Variants in GBE1 observed in about 807,000 individuals in gnomAD.
The protein encoded by GBE1 is 1,4-alpha-glucan branching enzyme 1, also known as 1,4-alpha-glucan-branching enzyme.
GBE1 carries 70 observed loss-of-function variants against 88.8 expected under a neutral mutation model. That is an observed-to-expected ratio of 0.79 (90% CI 0.65 to 0.96). The LOEUF is 0.96. Among genes scored for constraint, GBE1 ranks in the 40% least tolerant of loss-of-function variants. GBE1 has a pLI of 0.00. For synonymous variants in GBE1, 284 were observed against 300.1 expected (o/e 0.95, Z 0.56); for missense variants, 872 against 871.0 (o/e 1.00, Z -0.01).
chr3:81,637,475 T>C (rs147824611), intron 7 of GBE1, among the ~76,000 whole-genome samples: 243 of 152,296 alleles, frequency 1.6e-3, no homozygotes, highest in Middle Eastern at 6.8e-3. Context: ...GACAAACATA[T>C]GCTCCAAGCA....
chr3:81,702,037 A>T, intron 2 of GBE1, among the ~76,000 whole-genome samples: 1 of 151,652 alleles, frequency 6.6e-6, no homozygotes, highest in Non-Finnish European at 1.5e-5. Context: ...ATTAGGAAAA[A>T]ACGGATTTTA....
intron 1 of GBE1, among the ~76,000 whole-genome samples, chr3:81,750,649 A>ATG (rs1706509636): frequency 2.5e-5 from 2 of 80,878 alleles, no homozygotes; most frequent in South Asian, 3.1e-4. Context: ...ATATATGTAT[A>ATG]TATATATATG....
At chr3:81,514,028 A>G (rs1191868489) in intron 14 of GBE1, among the ~76,000 whole-genome samples, 1 of 151,712 alleles carries the variant, frequency 6.6e-6, no homozygotes, top group Non-Finnish European at 1.5e-5. Context: ...TTGTTACATG[A>G]GCCAATGGGA....
chr3:81,644,223 C>G (rs1460582150), intron 6 of GBE1, among the ~76,000 whole-genome samples: 1 of 151,924 alleles, frequency 6.6e-6, no homozygotes, highest in Admixed American at 6.6e-5. Context: ...AGACAACAAA[C>G]AAGCAAAATA....
intron 2 of GBE1, among the ~76,000 whole-genome samples, chr3:81,676,773 T>C (rs1441806641): frequency 6.6e-6 from 1 of 152,172 alleles, no homozygotes; most frequent in African/African-American, 2.4e-5. Context: ...AGGTATTTTA[T>C]TAACAGGTTT....
At chr3:81,561,329 C>A (rs1703413766) in intron 12 of GBE1, among the ~76,000 whole-genome samples, 1 of 151,954 alleles carries the variant, frequency 6.6e-6, no homozygotes, top group Non-Finnish European at 1.5e-5. Flanking sequence ...GTTTGATTAC[C>A]TAAAATATGA....
At chr3:81,503,275 A>T (rs1702613656) in intron 14 of GBE1, among the ~76,000 whole-genome samples, 1 of 152,198 alleles carries the variant, frequency 6.6e-6, no homozygotes. Context: ...AAATAGAGCA[A>T]AAAGCAATAT....
chr3:81,761,349 T>TG (rs748408271), intron 1 of GBE1, 26 bp downstream of exon 1: 4 of 1,592,468 alleles, frequency 2.5e-6, no homozygotes, highest in Non-Finnish European at 1.7e-6. Context: ...CCTGTCTAAG[T>TG]GGGGGTGGTG....
At position 81,668,791 on chromosome 3, in the gene GBE1, T is replaced by A. The variant is rs181607515; in HGVS notation, c.429+2047A>T. On this transcript the variant is annotated intron_variant, in intron 3 of 15. Coordinates refer to ENST00000429644, the MANE Select transcript of GBE1 (RefSeq NM_000158.4). ...AATCTGTTTTTCAAATTTAAAAACT[T>A]GAAACAGCCCATCCTGCCTCTTCCA... Among the ~76,000 whole-genome samples the A allele has an allele frequency of 5.0e-3, 764 of 152,334 alleles. 1 individual carries two copies. The highest frequency in any genetic ancestry group is 8.7e-3 in the Non-Finnish European group (594 of 68,030).
At chr3:81,561,842 T>TA (rs940312704) in intron 12 of GBE1, among the ~76,000 whole-genome samples, 1 of 152,036 alleles carries the variant, frequency 6.6e-6, no homozygotes, top group African/African-American at 2.4e-5. Flanking sequence ...TTCACCTTCT[T>TA]AGCTTTGTGT....
intron 14 of GBE1, among the ~76,000 whole-genome samples, chr3:81,520,221 A>G (rs1702854408): frequency 1.3e-5 from 2 of 151,594 alleles, no homozygotes; most frequent in East Asian, 1.9e-4. Flanking sequence ...TTTCAAATTG[A>G]AAGTTTGTGG....
Position 81,549,480 on chromosome 3 carries a change from C to T in GBE1, c.1619-12385G>A, listed in dbSNP as rs187750373. Among the ~76,000 whole-genome samples the T allele has an allele frequency of 1.4e-4, 21 of 151,586 alleles. 1 individual carries two copies. Among genetic ancestry groups the T allele is most frequent in the African/African-American group, 2.4e-5 (1 of 41,470 alleles). On this transcript the variant is annotated intron_variant, in intron 12 of 15. Transcript: ENST00000429644. ...TAAGGAATTGAGCTTGACTTTAAAG[C>T]CAATAAAAGCCTCTTGAGAAAACTG...
intron 14 of GBE1, among the ~76,000 whole-genome samples, chr3:81,510,467 T>C (rs1219884003): frequency 6.6e-6 from 1 of 152,102 alleles, no homozygotes; most frequent in Non-Finnish European, 1.5e-5. Flanking sequence ...TAGTGTCCCA[T>C]GAAAAACTGT....
chr3:81,544,506 G>A (rs1703180393), intron 12 of GBE1, among the ~76,000 whole-genome samples: 2 of 152,162 alleles, frequency 1.3e-5, no homozygotes, highest in South Asian at 4.1e-4. Context: ...TTCATGGTAT[G>A]ATTCATTGCA....
At chr3:81,713,941 G>C (rs1229271653) in intron 1 of GBE1, among the ~76,000 whole-genome samples, 1 of 152,108 alleles carries the variant, frequency 6.6e-6, no homozygotes, top group Non-Finnish European at 1.5e-5. Flanking sequence ...TGAGAATATA[G>C]AGATAAAAGA....
chr3:81,579,131 A>C (rs1339699782), intron 11 of GBE1, among the ~76,000 whole-genome samples: 1 of 152,060 alleles, frequency 6.6e-6, no homozygotes, highest in Non-Finnish European at 1.5e-5. Flanking sequence ...TCTCATACCA[A>C]GTTGCCCTCT....
intron 14 of GBE1, among the ~76,000 whole-genome samples, chr3:81,533,180 A>C (rs1396734622): frequency 6.6e-6 from 1 of 152,112 alleles, no homozygotes; most frequent in Non-Finnish European, 1.5e-5. Context: ...CAAGTATAGA[A>C]GGGTTTAGTC....
chr3:81,568,603 T>A (rs1212835826), intron 12 of GBE1, among the ~76,000 whole-genome samples: 1 of 152,194 alleles, frequency 6.6e-6, no homozygotes, highest in Non-Finnish European at 1.5e-5. Flanking sequence ...ACTAAAACAA[T>A]TCCTAGTACG....
rs557007194 is a variant in GBE1 at position 81,551,955 on chromosome 3, G to C, written c.1619-14860C>G. Among the ~76,000 whole-genome samples, 22 of 152,238 alleles carry C rather than the reference G, an allele frequency of 1.4e-4. No homozygotes were observed. The South Asian group carries it at 4.1e-3, about 29-fold the overall frequency. ...ATGTGGTGCTGAATGTTAGAACTAGGGAAGCATGCTGGGTCCATACCCTCA... is the reference window on the plus strand; with the variant it reads ...ATGTGGTGCTGAATGTTAGAACTAGCGAAGCATGCTGGGTCCATACCCTCA... On this transcript the variant is annotated intron_variant, in intron 12 of 15. Transcript: ENST00000429644.
Sources: allele counts gnomAD v4.1 joint callset (sites outside exome capture counted in the v4.1 genomes callset), GRCh38; gene constraint gnomAD v4.1.1; transcripts MANE v1.5; gene names NCBI Gene and HGNC (gene_info 2026-07-23, HGNC 2026-07-21).